Variants in MAN2A1 observed in about 807,000 individuals in gnomAD.
MAN2A1 encodes mannosidase alpha class 2A member 1, also known as alpha-mannosidase 2.
A neutral mutation model predicts 142.6 loss-of-function variants in MAN2A1; 76 were observed. The observed-to-expected ratio is 0.53, with a 90% CI of 0.44 to 0.65. The LOEUF (loss-of-function observed/expected upper bound fraction) is 0.65, where lower values mean the gene tolerates loss of function less well. Ranked by LOEUF, MAN2A1 falls within the 30% of genes least tolerant of loss-of-function variation. The probability of loss-of-function intolerance (pLI) is 0.00; values close to 1 mark genes in which losing one functional copy is unlikely to be tolerated. For missense variants in MAN2A1, 1,311 were observed against 1,365.1 expected (o/e 0.96, Z 0.62); for synonymous variants, 559 against 473.2 (o/e 1.18, Z -2.35).
intron 5 of MAN2A1, among the ~76,000 whole-genome samples, chr5:109,761,117 CCTAT>C (rs1344045747): frequency 2.0e-5 from 3 of 150,392 alleles, no homozygotes; most frequent in South Asian, 2.1e-4. Context: ...TTGTATAAAT[CCTAT>C]CTTTTTATTA....
intron 1 of MAN2A1, among the ~76,000 whole-genome samples, chr5:109,699,069 C>T (rs973012379): frequency 4.6e-5 from 7 of 152,106 alleles, no homozygotes; most frequent in African/African-American, 1.7e-4. Context: ...GTTTTGTATT[C>T]AATTTCTGTT....
chr5:109,796,898 C>T (rs549281605), intron 12 of MAN2A1, among the ~76,000 whole-genome samples: 6 of 152,242 alleles, frequency 3.9e-5, no homozygotes, highest in African/African-American at 1.2e-4. Context: ...TCATTTATTC[C>T]TTATTGTGTG....
At chr5:109,770,271 T>G (rs1407483990) in intron 6 of MAN2A1, 84 bp from the exon 7 acceptor site, 3 of 1,251,016 alleles carry the variant, frequency 2.4e-6, no homozygotes, top group African/African-American at 1.5e-5. Context: ...CAGCATTACT[T>G]TGTGTAAAGT....
intron 10 of MAN2A1, among the ~76,000 whole-genome samples, chr5:109,787,821 G>A (rs1351855693): frequency 6.6e-6 from 1 of 151,786 alleles, no homozygotes; most frequent in African/African-American, 2.4e-5. Context: ...GTTTTAGTAT[G>A]GTGAAAACAC....
At chr5:109,863,829 T>G (rs1190419566) in intron 20 of MAN2A1, 1 of 152,228 alleles carries the variant, frequency 6.6e-6, no homozygotes, top group Non-Finnish European at 1.5e-5. Flanking sequence ...GATTTAAAAT[T>G]GCTGTGTGTA....
intron 1 of MAN2A1, among the ~76,000 whole-genome samples, chr5:109,697,992 C>G (rs1750861810): frequency 6.6e-6 from 1 of 152,152 alleles, no homozygotes; most frequent in Admixed American, 6.5e-5. Flanking sequence ...TCTTCTTTCA[C>G]CTGAAGGTTT....
In MAN2A1 at chr5:109,869,558, G is replaced by T. The variant is rs1038496022; in HGVS notation, c.*2560G>T. The T allele has an allele frequency of 6.6e-6, 1 of 151,888 alleles. No homozygotes were observed. Among genetic ancestry groups the T allele is most frequent in the Non-Finnish European group, 1.5e-5 (1 of 67,984 alleles). The allele number at this position is 151,888 out of a possible 1,614,324, so 9.4% of individuals were successfully genotyped here. A position where few individuals can be genotyped will look rare whatever the true frequency, so the allele number is the denominator to read the frequency against. Reference sequence around the variant, plus strand: ...TCAACAGGTTTTGATATTTTCTCTTGGAAGATTTTATATCTTTTTGGGAAT... The same window carrying T: ...TCAACAGGTTTTGATATTTTCTCTTTGAAGATTTTATATCTTTTTGGGAAT... On this transcript the variant is annotated 3_prime_UTR_variant, in exon 22 of 22. Transcript: ENST00000261483.
intron 16 of MAN2A1, among the ~76,000 whole-genome samples, chr5:109,838,465 G>T (rs1258859941): frequency 6.6e-6 from 1 of 152,176 alleles, no homozygotes; most frequent in Admixed American, 6.5e-5. Flanking sequence ...TGATGCACAG[G>T]TAAAACAGAC....
At position 109,734,438 on chromosome 5, in the gene MAN2A1, C is replaced by T. The variant is rs939576364; in HGVS notation, c.707+4925C>T. Among the ~76,000 whole-genome samples, 622 of 151,706 alleles carry T rather than the reference C, an allele frequency of 4.1e-3. 3 individuals carry two copies. Among genetic ancestry groups the T allele is most frequent in the South Asian group, 5.4e-3 (26 of 4,790 alleles). Reference sequence around the variant, plus strand: ...CTTTTGAATGTGTTTGCTCTTGTTTCTCTAGTTCTTTTAATTGTGATGTTA... The same window carrying T: ...CTTTTGAATGTGTTTGCTCTTGTTTTTCTAGTTCTTTTAATTGTGATGTTA... On this transcript the variant is annotated intron_variant, in intron 4 of 21. Transcript: ENST00000261483.
intron 18 of MAN2A1, among the ~76,000 whole-genome samples, chr5:109,846,245 C>A (rs1755342110): frequency 6.6e-6 from 1 of 152,164 alleles, no homozygotes; most frequent in African/African-American, 2.4e-5. Flanking sequence ...GTCAAGATTT[C>A]TTTTTAAAGA....
chr5:109,822,345 T>C (rs1754648252), intron 15 of MAN2A1, among the ~76,000 whole-genome samples: 1 of 152,114 alleles, frequency 6.6e-6, no homozygotes, highest in African/African-American at 2.4e-5. Context: ...AAAAAAGTAG[T>C]TGTGCTATAG....
intron 11 of MAN2A1, 92 bp from the exon 12 acceptor site, chr5:109,789,368 C>A: frequency 6.8e-6 from 5 of 735,600 alleles, no homozygotes; most frequent in Non-Finnish European, 1.1e-5. Context: ...TTAATCTGTT[C>A]CTCCTAAACT....
chr5:109,704,174 G>A (rs565255485), intron 1 of MAN2A1, among the ~76,000 whole-genome samples: 1 of 152,330 alleles, frequency 6.6e-6, no homozygotes, highest in East Asian at 1.9e-4. Flanking sequence ...AACAAGGGAT[G>A]TTGGGCTTGG....
At chr5:109,860,098 A>G (rs1755718618) in intron 20 of MAN2A1, among the ~76,000 whole-genome samples, 1 of 152,072 alleles carries the variant, frequency 6.6e-6, no homozygotes, top group South Asian at 2.1e-4. Flanking sequence ...TTCTTTTCTT[A>G]TAAAAGGCAG....
At chr5:109,826,198 AC>A (rs1323059281) in intron 16 of MAN2A1, among the ~76,000 whole-genome samples, 1 of 151,352 alleles carries the variant, frequency 6.6e-6, no homozygotes, top group South Asian at 2.1e-4. Context: ...GAGCCACTGC[AC>A]CTGGCTTGAT....
chr5:109,744,173 A>G (rs1360368184), intron 4 of MAN2A1, among the ~76,000 whole-genome samples: 1 of 152,134 alleles, frequency 6.6e-6, no homozygotes, highest in Non-Finnish European at 1.5e-5. Context: ...TGCTCCAGAA[A>G]TGTAGGAGGT....
intron 8 of MAN2A1, among the ~76,000 whole-genome samples, chr5:109,780,337 G>A (rs1004321004): frequency 1.3e-5 from 2 of 152,082 alleles, no homozygotes; most frequent in Admixed American, 1.3e-4. Flanking sequence ...AGGATTACAG[G>A]CGTGAGCCAC....
At chr5:109,763,638 T>C (rs1453240938) in intron 5 of MAN2A1, among the ~76,000 whole-genome samples, 4 of 152,036 alleles carry the variant, frequency 2.6e-5, no homozygotes, top group South Asian at 2.1e-4. Context: ...ATGGATGAAA[T>C]TGGAAATCAT....
chr5:109,715,956 G>A (rs1224487811), intron 2 of MAN2A1, among the ~76,000 whole-genome samples, 164 bp from the exon 3 acceptor site: 1 of 152,038 alleles, frequency 6.6e-6, no homozygotes, highest in Non-Finnish European at 1.5e-5. Flanking sequence ...GCCTTTGAAT[G>A]GTGATGGAAT....
Sources: allele counts gnomAD v4.1 joint callset (sites outside exome capture counted in the v4.1 genomes callset), GRCh38; gene constraint gnomAD v4.1.1; transcripts MANE v1.5; gene names NCBI Gene and HGNC (gene_info 2026-07-23, HGNC 2026-07-21).